The following RSPH1 variants were observed in gnomAD, a reference collection of about 807,000 sequenced individuals.
RSPH1 encodes radial spoke head 1 homolog.
Under a neutral mutation model 44.2 loss-of-function variants are expected in RSPH1, and 32 were observed. The observed-to-expected ratio is 0.72, with a 90% confidence interval of 0.55 to 0.97. The LOEUF (loss-of-function observed/expected upper bound fraction) is 0.97, where lower values mean the gene tolerates loss of function less well. Ranked by LOEUF, RSPH1 falls within the 50% of genes least tolerant of loss-of-function variation. RSPH1 has a pLI of 0.00. For synonymous variants in RSPH1, 134 were observed against 147.3 expected (o/e 0.91, Z 0.65); for missense variants, 391 against 398.7 (o/e 0.98, Z 0.16).
Position 42,486,439 on chromosome 21 carries a change from C to T in RSPH1, c.297G>A (p.Arg99=). 6.2e-7 allele frequency: 1 copy of T among 1,614,002 alleles called. No individual in the cohort carries two copies. Among genetic ancestry groups the T allele is most frequent in the Non-Finnish European group, 8.5e-7 (1 of 1,179,858 alleles). The change falls in exon 4 of 9, where the codon CGG becomes CGA. Residue 99 remains arginine (R), a synonymous_variant. Coordinates refer to ENST00000291536, the MANE Select transcript of RSPH1 (RefSeq NM_080860.4). ...TGTAGTAGTATACGCCATGGCCGTG[C>T]CGCAGGTCATTTGCCCACTCTCCTG... The part of the protein sequence containing the change: ...RYEGEWANDL[R]HGHGVYYYIN...
chr21:42,478,233 G>A (rs141547065), intron 6 of RSPH1, among the ~76,000 whole-genome samples: 28 of 152,342 alleles, frequency 1.8e-4, no homozygotes, highest in South Asian at 6.2e-4. Flanking sequence ...GGAACACTTC[G>A]CTGCCACATA....
chr21:42,483,237 A>ATT (rs200249424), intron 5 of RSPH1, among the ~76,000 whole-genome samples: 7,664 of 141,790 alleles, frequency 0.054, 278 homozygotes, highest in Middle Eastern at 0.11. Context: ...TGGGATACTG[A>ATT]TTTTTTTTTT....
chr21:42,494,664 T>G (rs1291581767), intron 1 of RSPH1, among the ~76,000 whole-genome samples: 1 of 152,056 alleles, frequency 6.6e-6, no homozygotes, highest in Non-Finnish European at 1.5e-5. Context: ...GGTCAAGTGT[T>G]GCAGGTTGGG....
At chr21:42,476,936 A>G (rs953680203) in intron 7 of RSPH1, among the ~76,000 whole-genome samples, 12 of 152,084 alleles carry the variant, frequency 7.9e-5, no homozygotes, top group Non-Finnish European at 1.6e-4. Context: ...CACAACTCCC[A>G]CAGCCCAAAG....
intron 6 of RSPH1, 97 bp from the exon 7 acceptor site, chr21:42,477,541 G>C: frequency 2.3e-6 from 3 of 1,331,060 alleles, no homozygotes; most frequent in Non-Finnish European, 3.2e-6. Context: ...TGAAAGACAG[G>C]TTTTGGCTTG....
chr21:42,479,072 AC>A (rs1320024214), intron 6 of RSPH1, among the ~76,000 whole-genome samples: 1 of 152,234 alleles, frequency 6.6e-6, no homozygotes, highest in African/African-American at 2.4e-5. Context: ...CACTGAACGT[AC>A]TGAATGCCAC....
chr21:42,475,771 C>T, intron 8 of RSPH1, 127 bp downstream of exon 8: 1 of 1,013,852 alleles, frequency 9.9e-7, no homozygotes, highest in Non-Finnish European at 1.4e-6. Context: ...CACAGGGGGC[C>T]CCCTAAGCCT....
At chr21:42,490,577 C>T (rs1413124182) in intron 3 of RSPH1, among the ~76,000 whole-genome samples, 6 of 152,172 alleles carry the variant, frequency 3.9e-5, no homozygotes, top group Non-Finnish European at 8.8e-5. Flanking sequence ...CTTTAAGATA[C>T]AAAGCCATCT....
intron 6 of RSPH1, among the ~76,000 whole-genome samples, chr21:42,478,145 G>C (rs1425286117): frequency 6.6e-6 from 1 of 152,204 alleles, no homozygotes; most frequent in Non-Finnish European, 1.5e-5. Context: ...TGCCAATTTT[G>C]CCAAGCATAT....
chr21:42,484,400 G>A (rs2054158727), intron 5 of RSPH1, among the ~76,000 whole-genome samples: 1 of 152,150 alleles, frequency 6.6e-6, no homozygotes, highest in Admixed American at 6.5e-5. Flanking sequence ...AGTCCCAAAT[G>A]TGCAAAATGA....
intron 3 of RSPH1, among the ~76,000 whole-genome samples, chr21:42,487,360 A>C (rs2054190954): frequency 6.6e-6 from 1 of 152,254 alleles, no homozygotes; most frequent in Non-Finnish European, 1.5e-5. Context: ...ACACCAAGTC[A>C]TTAAGCTAAA....
At chr21:42,486,274 G>T in intron 4 of RSPH1, 97 bp downstream of exon 4, 4 of 958,564 alleles carry the variant, frequency 4.2e-6, no homozygotes, top group Non-Finnish European at 6.7e-6. Flanking sequence ...CTGGGCTTTT[G>T]TTATGATTCT....
chr21:42,480,389 C>T lies in RSPH1; in HGVS notation c.573+2248G>A, dbSNP rs1294595868. Among the ~76,000 whole-genome samples, 7 of 152,210 alleles carry T rather than the reference C, an allele frequency of 4.6e-5. No homozygotes were observed. In the East Asian group the frequency reaches 1.4e-3, roughly 29 times the overall value. On this transcript the variant is annotated intron_variant, in intron 6 of 8. Transcript: ENST00000291536. ...GGGCGCAGTGGCTTACGCCTATAGT[C>T]CCACCACTTTGGGAGGCTGAGGCAG... is the stretch of plus-strand genomic sequence containing the variant.
In RSPH1 at chr21:42,482,610, C is replaced by T. The variant is rs763089970; in HGVS notation, c.573+27G>A. The T allele has an allele frequency of 7.0e-6, 11 of 1,568,180 alleles. No individual in the cohort carries two copies. In the African/African-American group the frequency reaches 1.4e-4, roughly 19 times the overall value. On this transcript the variant is annotated intron_variant, in intron 6 of 8. Coordinates refer to ENST00000291536, the MANE Select transcript of RSPH1 (RefSeq NM_080860.4). ...AGCAGCTACTTCCCTGTTAATGTAA[C>T]AAAACCCTACATGCTCCGCAACTTA...
intron 6 of RSPH1, 39 bp from the exon 7 acceptor site, chr21:42,477,483 T>C: frequency 1.2e-6 from 2 of 1,603,754 alleles, no homozygotes; most frequent in Non-Finnish European, 1.7e-6. Context: ...CCAACATTTG[T>C]GTCATCTTGG....
chr21:42,475,831 G>T, intron 8 of RSPH1, 67 bp downstream of exon 8: 1 of 1,558,062 alleles, frequency 6.4e-7, no homozygotes, highest in African/African-American at 1.4e-5. Context: ...TGAAGGGAAG[G>T]GGAATCCCAC....
At chr21:42,490,466 A>T (rs2054225658) in intron 3 of RSPH1, among the ~76,000 whole-genome samples, 1 of 152,210 alleles carries the variant, frequency 6.6e-6, no homozygotes, top group Non-Finnish European at 1.5e-5. Flanking sequence ...TTAATATTAT[A>T]ACTTCTGACC....
At chr21:42,477,832 C>A (rs546359005) in intron 6 of RSPH1, among the ~76,000 whole-genome samples, 1 of 152,132 alleles carries the variant, frequency 6.6e-6, no homozygotes, top group Non-Finnish European at 1.5e-5. Flanking sequence ...CATTTTGCAA[C>A]TCTAATATAA....
intron 6 of RSPH1, among the ~76,000 whole-genome samples, chr21:42,480,295 C>A (rs553561941): frequency 1.3e-5 from 2 of 152,136 alleles, no homozygotes; most frequent in African/African-American, 4.8e-5. Flanking sequence ...CAAAGACTCC[C>A]TTTGGTTTTA....
Sources: allele counts gnomAD v4.1 joint callset (sites outside exome capture counted in the v4.1 genomes callset), GRCh38; gene constraint gnomAD v4.1.1; transcripts MANE v1.5; gene names NCBI Gene and HGNC (gene_info 2026-07-23, HGNC 2026-07-21).